TRIM48: variants seen among roughly 807,000 people sequenced by gnomAD.
TRIM48 encodes the protein E3 ubiquitin-protein ligase TRIM48.
TRIM48 carries 31 observed loss-of-function variants against 29.5 expected under a neutral mutation model. That is an observed-to-expected ratio of 1.05 (90% confidence interval 0.79 to 1.42). The LOEUF is 1.42. Ranked by LOEUF, TRIM48 falls within the 40% of genes most tolerant of loss-of-function variation. TRIM48 has a pLI of 0.00. For missense variants in TRIM48, 344 were observed against 265.0 expected (o/e 1.30, Z -2.07); for synonymous variants, 128 against 90.6 (o/e 1.41, Z -2.34).
rs1356031531 is a variant in TRIM48, at chr11:55,266,969, G to T, written c.555+1274G>T. ...GCTTTATTAGGATAGGTTTTGCTGG[G>T]CGAAATGCATTTAGCTGGACATGTT... is the stretch of plus-strand genomic sequence containing the variant. On this transcript the variant is annotated intron_variant, in intron 3 of 5. Coordinates refer to ENST00000417545, the MANE Select transcript of TRIM48 (RefSeq NM_024114.5). 3.4e-5 allele frequency among the ~76,000 whole-genome samples: 5 copies of T among 147,646 alleles called. 1 individual carries two copies. The highest frequency in any genetic ancestry group is 1.2e-4 in the African/African-American group (5 of 40,372).
At chr11:55,268,035 C>T (rs1275824156) in intron 3 of TRIM48, among the ~76,000 whole-genome samples, 1 of 147,766 alleles carries the variant, frequency 6.8e-6, no homozygotes, top group African/African-American at 2.5e-5. Flanking sequence ...TTGGGATCCA[C>T]TCATTTGGAT....
rs1857415758 is a variant in TRIM48 at position 55,267,777 on chromosome 11, T to G, written c.556-573T>G. ...CATTCGCATAACTAATGCTACTTTATTGGGAGAGTATAGCCCCGCCAAGGG... is the reference window on the plus strand; with the variant it reads ...CATTCGCATAACTAATGCTACTTTAGTGGGAGAGTATAGCCCCGCCAAGGG... On this transcript the variant is annotated intron_variant, in intron 3 of 5. Coordinates refer to ENST00000417545, the MANE Select transcript of TRIM48 (RefSeq NM_024114.5). The G allele has an allele frequency of 5.7e-6, 8 of 1,395,158 alleles. 1 individual carries two copies. Among genetic ancestry groups the G allele is most frequent in the Admixed American group, 2.1e-5 (1 of 46,886 alleles). The allele number at this position is 1,395,158 out of a possible 1,614,324, so 86.4% of individuals were successfully genotyped here.
At chr11:55,267,557 G>C in intron 3 of TRIM48, 1 of 1,568,900 alleles carries the variant, frequency 6.4e-7, no homozygotes. Context: ...AGCCAAAATG[G>C]CTCATAGGAG....
chr11:55,264,882 C>A lies in TRIM48; in HGVS notation c.45-18C>A, dbSNP rs758276973. ...TCAACCCAGACCCCAAAATGACATGCTGCTCTTTCTTCCTCAGAAACATGA... is the reference window on the plus strand; with the variant it reads ...TCAACCCAGACCCCAAAATGACATGATGCTCTTTCTTCCTCAGAAACATGA... On this transcript the variant is annotated intron_variant, in intron 1 of 5. Coordinates refer to ENST00000417545, the MANE Select transcript of TRIM48 (RefSeq NM_024114.5). 2.1e-5 allele frequency: 33 copies of A among 1,582,226 alleles called. 8 individuals carry two copies. The South Asian group carries it at 3.5e-4, about 17-fold the overall frequency.
chr11:55,269,997 A>G (rs115720159), intron 5 of TRIM48, among the ~76,000 whole-genome samples: 1,498 of 148,158 alleles, frequency 0.01, 118 homozygotes, highest in African/African-American at 0.035. Context: ...TATGACATGT[A>G]CTTATGGATT....
intron 1 of TRIM48, among the ~76,000 whole-genome samples, chr11:55,264,432 G>C (rs1432591222): frequency 6.8e-6 from 1 of 148,062 alleles, no homozygotes; most frequent in African/African-American, 2.5e-5. Context: ...GTGCCATGGT[G>C]GTTTGCTGCC....
At position 55,265,499 on chromosome 11, in the gene TRIM48, A is replaced by G. The variant is rs1857378637; in HGVS notation, c.460-101A>G. 8.1e-6 allele frequency: 12 copies of G among 1,487,018 alleles called. 1 individual carries two copies. The Admixed American group carries it at 1.9e-4, about 24-fold the overall frequency. 92.1% of individuals were successfully genotyped at this position (1,487,018 alleles called of 1,614,324 possible). A position where few individuals can be genotyped will look rare whatever the true frequency, so the allele number is the denominator to read the frequency against. On this transcript the variant is annotated intron_variant, in intron 2 of 5. Coordinates refer to ENST00000417545, the MANE Select transcript of TRIM48 (RefSeq NM_024114.5). ...TGAAACAGAAGAAATGCCATTTACT[A>G]GGGACTTATTTGTCTCTCATTCTGG...
At chr11:55,268,539 CATAA>C (rs910266025) in intron 4 of TRIM48, among the ~76,000 whole-genome samples, 167 bp downstream of exon 4, 1 of 146,974 alleles carries the variant, frequency 6.8e-6, no homozygotes, top group African/African-American at 2.5e-5. Flanking sequence ...TAAATAAATA[CATAA>C]ATAAATAAAT....
At position 55,267,208 on chromosome 11, in the gene TRIM48, T is replaced by C. The variant is rs184938083; in HGVS notation, c.556-1142T>C. 1.1e-3 allele frequency among the ~76,000 whole-genome samples: 165 copies of C among 147,884 alleles called. 17 individuals carry two copies. Among genetic ancestry groups the C allele is most frequent in the Admixed American group, 3.8e-3 (55 of 14,618 alleles). On this transcript the variant is annotated intron_variant, in intron 3 of 5. Coordinates refer to ENST00000417545, the MANE Select transcript of TRIM48 (RefSeq NM_024114.5). ...ATCTTAGAACACTCCTTATCTTGAATAAATTTAATGTAATTGGTCAGATAC... is the reference window on the plus strand; with the variant it reads ...ATCTTAGAACACTCCTTATCTTGAACAAATTTAATGTAATTGGTCAGATAC...
chr11:55,262,396 T>C (rs1857316447), intron 1 of TRIM48, 85 bp downstream of exon 1: 1 of 943,464 alleles, frequency 1.1e-6, no homozygotes, highest in African/African-American at 1.6e-5. Context: ...CTCATTATCT[T>C]AAATCTACAC....
At chr11:55,262,339 A>G (rs768011920) in intron 1 of TRIM48, 28 bp downstream of exon 1, 355 of 1,485,854 alleles carry the variant, frequency 2.4e-4, no homozygotes, top group Non-Finnish European at 3.1e-4. Flanking sequence ...TGATAAAATT[A>G]TATCTTCTTT....
chr11:55,268,416 A>T (rs561451789), intron 4 of TRIM48, 44 bp downstream of exon 4: 1 of 1,506,882 alleles, frequency 6.6e-7, no homozygotes, highest in Admixed American at 1.8e-5. Flanking sequence ...TTCACTTTCC[A>T]CGAATATCAA....
chr11:55,270,797 A>T lies in TRIM48; in HGVS notation c.*362A>T, dbSNP rs1439705689. ...CTGCAGTATGTCCCAAGACCTACCA[A>T]CCATGTAGAATTATTCCTGGATTGT... On this transcript the variant is annotated 3_prime_UTR_variant, in exon 6 of 6. Coordinates refer to ENST00000417545, the MANE Select transcript of TRIM48 (RefSeq NM_024114.5). The T allele has an allele frequency of 6.3e-7, 1 of 1,575,142 alleles. No homozygotes were observed. Among genetic ancestry groups the T allele is most frequent in the African/African-American group, 1.4e-5 (1 of 73,294 alleles).
intron 3 of TRIM48, chr11:55,267,662 A>G: frequency 6.4e-7 from 1 of 1,565,080 alleles, no homozygotes; most frequent in Non-Finnish European, 8.7e-7. Context: ...ATGTGGTTTC[A>G]GGTTTTTGAC....
Position 55,269,898 on chromosome 11 carries a change from C to T in TRIM48, c.*2-539C>T, listed in dbSNP as rs184465786. ...CAATATGAAAAGCTACATGTTAAGT[C>T]TAAAATCCAGCTTCAGCCCCAAGCT... On this transcript the variant is annotated intron_variant, in intron 5 of 5. Coordinates refer to ENST00000417545, the MANE Select transcript of TRIM48 (RefSeq NM_024114.5). Among the ~76,000 whole-genome samples, 5 of 147,852 alleles carry T rather than the reference C, an allele frequency of 3.4e-5. No homozygotes were observed. The East Asian group carries it at 8.6e-4, about 25-fold the overall frequency.
chr11:55,270,764 C>T lies in TRIM48; in HGVS notation c.*329C>T, dbSNP rs1218990614. 2.9e-5 allele frequency: 46 copies of T among 1,569,758 alleles called. 5 individuals are homozygous for T. Among genetic ancestry groups the T allele is most frequent in the Non-Finnish European group, 3.6e-5 (41 of 1,153,714 alleles). Reference sequence around the variant, plus strand: ...CAGTGCAGTCTCTTTACCACCTCCCCAATTACACTGCAGTATGTCCCAAGA... The same window carrying T: ...CAGTGCAGTCTCTTTACCACCTCCCTAATTACACTGCAGTATGTCCCAAGA... On this transcript the variant is annotated 3_prime_UTR_variant, in exon 6 of 6. Coordinates refer to ENST00000417545, the MANE Select transcript of TRIM48 (RefSeq NM_024114.5).
At position 55,270,881 on chromosome 11, in the gene TRIM48, C is replaced by T. The variant is rs1271539161; in HGVS notation, c.*446C>T. On this transcript the variant is annotated 3_prime_UTR_variant, in exon 6 of 6. Coordinates refer to ENST00000417545, the MANE Select transcript of TRIM48 (RefSeq NM_024114.5). ...CAAAGCTCCCCTATATACACCATCC[C>T]TAATTGCTCCTTCTCACTTCCTCTC... 1.3e-6 allele frequency: 2 copies of T among 1,561,672 alleles called. No individual in the cohort carries two copies. The highest frequency in any genetic ancestry group is 1.7e-6 in the Non-Finnish European group (2 of 1,147,850).
At chr11:55,268,940 T>G (rs1007144228) in intron 4 of TRIM48, among the ~76,000 whole-genome samples, 2 of 147,802 alleles carry the variant, frequency 1.4e-5, no homozygotes, top group African/African-American at 5.0e-5. Context: ...CAGGGGAGTC[T>G]GCCAAGAAGT....
chr11:55,270,986 C>A lies in TRIM48; in HGVS notation c.*551C>A. On this transcript the variant is annotated 3_prime_UTR_variant, in exon 6 of 6. Coordinates refer to ENST00000417545, the MANE Select transcript of TRIM48 (RefSeq NM_024114.5). ...CATCTGCTGTGGGAACCCCTTTATC[C>A]CAGAAAGCCCTCTTCCTTGTGCCTT... is the stretch of plus-strand genomic sequence containing the variant. 2.0e-6 allele frequency: 3 copies of A among 1,519,018 alleles called. 1 individual carries two copies. The highest frequency in any genetic ancestry group is 2.7e-6 in the Non-Finnish European group (3 of 1,127,730). 94.1% of individuals were successfully genotyped at this position (1,519,018 alleles called of 1,614,324 possible).
Sources: gnomAD v4.1 joint callset for allele counts (sites outside exome capture counted in the v4.1 genomes callset) on GRCh38, gnomAD v4.1.1 for gene constraint, MANE v1.5 for transcripts, NCBI Gene and HGNC (gene_info 2026-07-23, HGNC 2026-07-21) for gene names.